ZNF160: variants seen among roughly 807,000 people sequenced by gnomAD.
The protein encoded by ZNF160 is KRAB zinc finger protein KR18.
A neutral mutation model predicts 13.1 loss-of-function variants in ZNF160; 9 were observed. The ratio of observed to expected loss-of-function variants is 0.69; its 90% CI spans 0.41 to 1.20. The LOEUF is 1.20. Among genes scored for constraint, ZNF160 ranks in the 50% most tolerant of loss-of-function variants. The probability of loss-of-function intolerance (pLI) is 0.01; values close to 1 mark genes in which losing one functional copy is unlikely to be tolerated. For synonymous variants in ZNF160, 293 were observed against 333.2 expected, an observed-to-expected ratio of 0.88 and a Z score of 1.31; for missense variants, 838 against 988.0, an observed-to-expected ratio of 0.85 and a Z score of 2.04.
At position 53,067,827 on chromosome 19, in the gene ZNF160, C is replaced by A; in HGVS notation, c.*250G>T. The A allele has an allele frequency of 2.3e-6, 1 of 430,028 alleles. No individual in the cohort carries two copies. Among genetic ancestry groups the A allele is most frequent in the Non-Finnish European group, 4.1e-6 (1 of 245,326 alleles). The allele number at this position is 430,028 out of a possible 1,614,324, so 26.6% of individuals were successfully genotyped here. On this transcript the variant is annotated 3_prime_UTR_variant, in exon 6 of 6. Coordinates refer to ENST00000683776, the MANE Select transcript of ZNF160 (RefSeq NM_001322131.2). ...CTTACCATCGGTCACTGGGTAATGG[C>A]CTCAGGATGCATATTACATTTGTTT...
At chr19:53,088,897 G>C (rs961640193) in intron 2 of ZNF160, among the ~76,000 whole-genome samples, 4 of 152,162 alleles carry the variant, frequency 2.6e-5, no homozygotes, top group African/African-American at 9.7e-5. Context: ...AGTCGCACAG[G>C]ACTGCCCTCA....
intron 3 of ZNF160, chr19:53,076,007 T>C (rs1244697010): frequency 3.7e-6 from 1 of 269,454 alleles, no homozygotes; most frequent in Non-Finnish European, 7.5e-6. Context: ...GAATTGTTTA[T>C]TTGATGTGTA....
At position 53,069,145 on chromosome 19, in the gene ZNF160, A is replaced by T; in HGVS notation, c.1389T>A (p.Ser463Arg). 1 of 1,614,084 alleles carries T rather than the reference A, an allele frequency of 6.2e-7. No homozygotes were observed. Among genetic ancestry groups the T allele is most frequent in the Non-Finnish European group, 8.5e-7 (1 of 1,180,006 alleles). The change falls in exon 6 of 6, where the codon AGT becomes AGA. Residue 463 changes from serine (S) to arginine (R), a missense_variant. Coordinates refer to ENST00000683776, the MANE Select transcript of ZNF160 (RefSeq NM_001322131.2). The surrounding 1 kb of genome is among the most constrained non-coding windows in gnomAD (Gnocchi z 4.4). ...YKCNECGKAF[S>R]MHSNLATHQV... Reference sequence around the variant, plus strand: ...GATGGGTAGCTAGGTTTGAATGCATACTGAAGGCTTTGCCACATTCATTAC... The same window carrying T: ...GATGGGTAGCTAGGTTTGAATGCATTCTGAAGGCTTTGCCACATTCATTAC...
chr19:53,081,226 A>G (rs978431102), intron 3 of ZNF160, among the ~76,000 whole-genome samples: 1 of 152,208 alleles, frequency 6.6e-6, no homozygotes, highest in Non-Finnish European at 1.5e-5. Context: ...AAAGGAATTT[A>G]TGAAGACCTC....
At chr19:53,101,704 C>T (rs1204809736) in intron 1 of ZNF160, among the ~76,000 whole-genome samples, 2 of 152,144 alleles carry the variant, frequency 1.3e-5, no homozygotes, top group Non-Finnish European at 2.9e-5. Flanking sequence ...CCCCACCCTA[C>T]CCCATCCTCG....
intron 1 of ZNF160, among the ~76,000 whole-genome samples, chr19:53,099,323 A>G (rs146311846): frequency 6.6e-6 from 1 of 152,292 alleles, no homozygotes; most frequent in East Asian, 1.9e-4. Flanking sequence ...AAAGACTGAG[A>G]CAGGAAAGGT....
chr19:53,074,651 C>A (rs1396380518), intron 4 of ZNF160, among the ~76,000 whole-genome samples: 3 of 133,536 alleles, frequency 2.2e-5, no homozygotes, highest in African/African-American at 8.4e-5. Flanking sequence ...GCCCGGGCGA[C>A]AGAGCGAGAC....
In ZNF160 at chr19:53,091,412, C is replaced by T. The variant is rs62115437; in HGVS notation, c.-46+1G>A. On this transcript the variant is annotated splice_donor_variant, in intron 2 of 5. Transcript: ENST00000683776. LOFTEE classifies it low-confidence loss of function (5UTR_SPLICE). ...TTTAACCTAAACAGAGGGAAACTCACGTGTGAGGTCTTCACTCCAGGTGAT... is the reference window on the plus strand; with the variant it reads ...TTTAACCTAAACAGAGGGAAACTCATGTGTGAGGTCTTCACTCCAGGTGAT... 1,650 of 152,372 alleles carry T rather than the reference C, an allele frequency of 0.011. 22 individuals are homozygous for T. Among genetic ancestry groups the T allele is most frequent in the Middle Eastern group, 0.041 (12 of 294 alleles). 9.4% of individuals were successfully genotyped at this position (152,372 alleles called of 1,614,324 possible). A position where few individuals can be genotyped will look rare whatever the true frequency, so the allele number is the denominator to read the frequency against.
At chr19:53,101,943 ACTCACCT>A (rs2085460777) in intron 1 of ZNF160, among the ~76,000 whole-genome samples, 1 of 150,560 alleles carries the variant, frequency 6.6e-6, no homozygotes, top group Non-Finnish European at 1.5e-5. Flanking sequence ...TCCAATCTCA[ACTCACCT>A]CTCACCTGGC....
chr19:53,075,759 C>G (rs749999373), intron 3 of ZNF160: 13 of 518,726 alleles, frequency 2.5e-5, no homozygotes, highest in Non-Finnish European at 1.9e-5. Context: ...TAAGTGTTTC[C>G]CTGTGTTATG....
intron 3 of ZNF160, among the ~76,000 whole-genome samples, chr19:53,081,836 C>T (rs1014341681): frequency 1.3e-5 from 2 of 152,094 alleles, no homozygotes; most frequent in African/African-American, 2.4e-5. Flanking sequence ...TATTGCAGCA[C>T]CATTTACAAT....
chr19:53,086,892 C>A (rs2084856085), intron 2 of ZNF160, among the ~76,000 whole-genome samples: 1 of 152,238 alleles, frequency 6.6e-6, no homozygotes, highest in Non-Finnish European at 1.5e-5. Context: ...CACAGCCCCA[C>A]CTTCTGGCTC....
intron 2 of ZNF160, among the ~76,000 whole-genome samples, chr19:53,089,633 T>C (rs1036096705): frequency 6.6e-6 from 1 of 152,200 alleles, no homozygotes; most frequent in African/African-American, 2.4e-5. Context: ...CTCATCTTTA[T>C]CTGTGTATTT....
intron 1 of ZNF160, among the ~76,000 whole-genome samples, chr19:53,094,122 A>G (rs1202937214): frequency 6.6e-6 from 1 of 152,184 alleles, no homozygotes; most frequent in African/African-American, 2.4e-5. Context: ...CCAAAATACC[A>G]AAGGTAACCC....
At chr19:53,074,423 T>A (rs966771430) in intron 4 of ZNF160, among the ~76,000 whole-genome samples, 155 bp from the exon 5 acceptor site, 4 of 151,782 alleles carry the variant, frequency 2.6e-5, no homozygotes, top group African/African-American at 9.7e-5. Flanking sequence ...ATCCCAGCAT[T>A]TTGGGAAGCT....
chr19:53,076,248 A>T (rs1014110316), intron 3 of ZNF160, among the ~76,000 whole-genome samples: 1 of 152,242 alleles, frequency 6.6e-6, no homozygotes, highest in Non-Finnish European at 1.5e-5. Flanking sequence ...AAAAACAGAA[A>T]ACAAGGTTAT....
chr19:53,094,334 T>C (rs1220596419), intron 1 of ZNF160, among the ~76,000 whole-genome samples: 1 of 152,164 alleles, frequency 6.6e-6, no homozygotes, highest in African/African-American at 2.4e-5. Context: ...ATGGAAACGA[T>C]GTTCCGATCG....
At position 53,069,616 on chromosome 19, in the gene ZNF160, G is replaced by A. The variant is rs1394006601; in HGVS notation, c.918C>T (p.Ile306=). 1 of 1,613,918 alleles carries A rather than the reference G, an allele frequency of 6.2e-7. No homozygotes were observed. Among genetic ancestry groups the A allele is most frequent in the Non-Finnish European group, 8.5e-7 (1 of 1,180,032 alleles). Residue 306 remains isoleucine (I), a synonymous_variant, in exon 6 of 6, where the codon ATC becomes ATT. Transcript: ENST00000683776. The surrounding 1 kb of genome is among the most constrained non-coding windows in gnomAD (Gnocchi z 4.4). ...ATTTGTAAGGTTTTTCTCCAGTATG[G>A]ATGACCTGATGAATAGTTAGATTTG... ...VRSNLTIHQV[I]HTGEKPYKCH...
At chr19:53,071,665 AAAAAAAT>A (rs1229554476) in intron 5 of ZNF160, among the ~76,000 whole-genome samples, 1 of 149,812 alleles carries the variant, frequency 6.7e-6, no homozygotes, top group Non-Finnish European at 1.5e-5. Flanking sequence ...CTTAAAAAAT[AAAAAAAT>A]AAAAAAAAAA....
Sources: gnomAD v4.1 joint callset for allele counts (sites outside exome capture counted in the v4.1 genomes callset) on GRCh38, gnomAD v4.1.1 for gene constraint, Gnocchi (gnomAD v3.1) non-coding constraint, MANE v1.5 for transcripts, NCBI Gene and HGNC (gene_info 2026-07-23, HGNC 2026-07-21) for gene names.